SPIRE1: variants seen among roughly 807,000 people sequenced by gnomAD.
SPIRE1 encodes spire type actin nucleation factor 1.
SPIRE1 carries 40 observed loss-of-function variants against 94.1 expected under a neutral mutation model. The observed-to-expected ratio is 0.43, with a 90% CI of 0.33 to 0.55. SPIRE1 has a LOEUF of 0.55. SPIRE1 is among the 20% of genes least tolerant of loss of function. The probability of loss-of-function intolerance (pLI) is 0.06; values close to 1 mark genes in which losing one functional copy is unlikely to be tolerated. For missense variants in SPIRE1, 838 were observed against 975.2 expected, an observed-to-expected ratio of 0.86 and a Z score of 1.87; for synonymous variants, 376 against 371.7, an observed-to-expected ratio of 1.01 and a Z score of -0.13.
chr18:12,648,890 CAAAAA>C (rs56696562), intron 1 of SPIRE1, among the ~76,000 whole-genome samples: 5 of 85,514 alleles, frequency 5.8e-5, no homozygotes, highest in African/African-American at 9.1e-5. Context: ...AACTCCGTCT[CAAAAA>C]AAAAAAAAAA....
intron 2 of SPIRE1, among the ~76,000 whole-genome samples, chr18:12,600,888 A>G (rs1196456067): frequency 6.6e-6 from 1 of 151,654 alleles, no homozygotes; most frequent in Non-Finnish European, 1.5e-5. Context: ...ACACCCAACT[A>G]ATTTTTGTGT....
chr18:12,572,117 C>T (rs1260469683), intron 2 of SPIRE1, among the ~76,000 whole-genome samples: 1 of 152,056 alleles, frequency 6.6e-6, no homozygotes, highest in East Asian at 1.9e-4. Flanking sequence ...TCAAGAAGAA[C>T]ATGGAATGAC....
At chr18:12,583,768 CA>C (rs889351901) in intron 2 of SPIRE1, among the ~76,000 whole-genome samples, 5 of 150,812 alleles carry the variant, frequency 3.3e-5, no homozygotes, top group African/African-American at 1.2e-4. Context: ...CTACAAAATA[CA>C]AAAAAAAGTG....
Position 12,452,279 on chromosome 18 carries a change from T to C in SPIRE1, c.1988A>G (p.His663Arg). 2.5e-6 allele frequency: 4 copies of C among 1,614,138 alleles called. No individual in the cohort carries two copies. Among genetic ancestry groups the C allele is most frequent in the Non-Finnish European group, 3.4e-6 (4 of 1,180,022 alleles). The change falls in exon 16 of 17, where the codon CAT becomes CGT. Residue 663 changes from histidine (H) to arginine (R), a missense_variant. Physicochemically the swap from His to Arg is conservative, Grantham distance 29. Around this residue, in one of 2 missense-constraint regions of SPIRE1, gnomAD observed 645 missense variants for 804.7 expected, o/e 0.80. Transcript: ENST00000409402. ...MRSEKPSTAHHRPLRSIARFS... is the reference protein window; with the variant it reads ...MRSEKPSTAHRRPLRSIARFS... ...CCTGGCAATGCTCCGAAGTGGCCGA[T>C]GATGGGCAGTGGAGGGTTTTTCTGA...
intron 1 of SPIRE1, among the ~76,000 whole-genome samples, chr18:12,655,907 A>AT (rs956226209): frequency 5.3e-5 from 8 of 151,016 alleles, no homozygotes; most frequent in South Asian, 4.2e-4. Flanking sequence ...ATATTGCTGT[A>AT]TTTTTTTTTG....
chr18:12,658,917 C>T (rs749372356), upstream of SPIRE1: 1 of 259,156 alleles, frequency 3.9e-6, no homozygotes, highest in Admixed American at 5.0e-5. Flanking sequence ...TAACATTGGT[C>T]CCTTCCCTCA....
chr18:12,615,343 A>AT (rs1302326675), intron 2 of SPIRE1, among the ~76,000 whole-genome samples: 19 of 35,396 alleles, frequency 5.4e-4, no homozygotes, highest in South Asian at 4.2e-3. Flanking sequence ...AAAAAAAAAA[A>AT]AAATATATAT....
rs1001064031 is a variant in SPIRE1, at chr18:12,478,508, AGTG to A, written c.1404+1188_1404+1190del. Among the ~76,000 whole-genome samples the A allele has an allele frequency of 4.2e-5, 5 of 120,036 alleles. No homozygotes were observed. In the East Asian group the frequency reaches 7.7e-4, roughly 18 times the overall value. 78.7% of individuals were successfully genotyped at this position (120,036 alleles called of 152,430 possible). On this transcript the variant is annotated intron_variant, in intron 10 of 16. Transcript: ENST00000409402. ...CTAGGGGAGGTGTGTATGAAGCTAGAGTGTGTGTGTGTGCATGTGTGTGTGTAG... is the reference window on the plus strand; with the variant it reads ...CTAGGGGAGGTGTGTATGAAGCTAGATGTGTGTGTGCATGTGTGTGTGTAG...
At chr18:12,600,064 T>A (rs1598514499) in intron 2 of SPIRE1, among the ~76,000 whole-genome samples, 1 of 148,172 alleles carries the variant, frequency 6.7e-6, no homozygotes, top group East Asian at 2.0e-4. Context: ...AGATAGATAG[T>A]CTCTACGTGC....
chr18:12,655,907 AT>A (rs956226209), intron 1 of SPIRE1, among the ~76,000 whole-genome samples: 1 of 150,902 alleles, frequency 6.6e-6, no homozygotes, highest in African/African-American at 2.4e-5. Context: ...ATATTGCTGT[AT>A]TTTTTTTTGA....
chr18:12,469,451 C>T (rs1259715933), intron 10 of SPIRE1, among the ~76,000 whole-genome samples: 1 of 151,098 alleles, frequency 6.6e-6, no homozygotes, highest in Non-Finnish European at 1.5e-5. Flanking sequence ...CCGCCTTGGC[C>T]TCCCAAAGTG....
At chr18:12,551,110 C>T (rs2035335072) in intron 2 of SPIRE1, among the ~76,000 whole-genome samples, 3 of 152,278 alleles carry the variant, frequency 2.0e-5, no homozygotes, top group Middle Eastern at 3.4e-3. Flanking sequence ...CTTAATACTT[C>T]CATGTGAATA....
chr18:12,476,433 C>T (rs3887990), intron 10 of SPIRE1, among the ~76,000 whole-genome samples: 6,503 of 147,246 alleles, frequency 0.044, 154 homozygotes, highest in South Asian at 0.097. Context: ...CCCAGTTACT[C>T]GGGAGGCTGA....
intron 2 of SPIRE1, among the ~76,000 whole-genome samples, chr18:12,603,521 C>T (rs1251927987): frequency 6.6e-6 from 1 of 151,582 alleles, no homozygotes; most frequent in African/African-American, 2.4e-5. Context: ...ACTTTCAGCA[C>T]CAACTCCAAA....
At chr18:12,479,618 A>G (rs964371188) in intron 10 of SPIRE1, 81 bp downstream of exon 10, 46 of 1,303,626 alleles carry the variant, frequency 3.5e-5, no homozygotes, top group Non-Finnish European at 1.1e-5. Flanking sequence ...CAACAACTGA[A>G]GCAAGATAAT....
intron 6 of SPIRE1, among the ~76,000 whole-genome samples, chr18:12,496,874 A>G (rs1016176803): frequency 6.6e-6 from 1 of 152,080 alleles, no homozygotes; most frequent in East Asian, 1.9e-4. Flanking sequence ...GTCTCAAAAA[A>G]AAGAAAAATA....
At chr18:12,466,571 C>T (rs908560601) in intron 10 of SPIRE1, among the ~76,000 whole-genome samples, 2 of 152,178 alleles carry the variant, frequency 1.3e-5, no homozygotes, top group East Asian at 1.9e-4. Context: ...TGAGACACCA[C>T]GTCCAGCCTA....
At chr18:12,533,932 T>TACACACAC (rs10658152) in intron 4 of SPIRE1, among the ~76,000 whole-genome samples, 4,533 of 144,444 alleles carry the variant, frequency 0.031, 209 homozygotes, top group African/African-American at 0.1. Flanking sequence ...GCTAATCCAT[T>TACACACAC]ACACACACAC....
intron 4 of SPIRE1, among the ~76,000 whole-genome samples, chr18:12,530,808 A>G (rs1424207915): frequency 6.6e-6 from 1 of 152,212 alleles, no homozygotes; most frequent in African/African-American, 2.4e-5. Flanking sequence ...CTTTCAAAAA[A>G]TTCTTTTAAA....
Sources: gnomAD v4.1 joint callset for allele counts (sites outside exome capture counted in the v4.1 genomes callset) on GRCh38, gnomAD v4.1.1 for gene constraint, gnomAD v4.1.1 regional missense constraint, MANE v1.5 for transcripts, NCBI Gene and HGNC (gene_info 2026-07-23, HGNC 2026-07-21) for gene names.